The following AP3B2 variants were observed in gnomAD, a reference collection of about 807,000 sequenced individuals.
AP3B2 encodes the protein AP-3 complex subunit beta-2.
In AP3B2, 50 loss-of-function variants were observed where a neutral mutation model predicts 126.9. The ratio of observed to expected loss-of-function variants is 0.39; its 90% CI spans 0.31 to 0.50. AP3B2 has a LOEUF of 0.50. Ranked by LOEUF, AP3B2 falls within the 20% of genes least tolerant of loss-of-function variation. The pLI, the probability that AP3B2 is intolerant of heterozygous loss-of-function variation, is 0.79. For synonymous variants in AP3B2, 541 were observed against 565.0 expected, an observed-to-expected ratio of 0.96 and a Z score of 0.60; for missense variants, 1,177 against 1,426.4, an observed-to-expected ratio of 0.83 and a Z score of 2.82.
rs376059639 is a variant in AP3B2 at position 82,663,776 on chromosome 15, C to A, written c.2436+25G>T. ...GGAGGGCCCTGGCCCATGAGCACACCCTGACTCTGCCCCAAGGCTCTCACT... is the reference window on the plus strand; with the variant it reads ...GGAGGGCCCTGGCCCATGAGCACACACTGACTCTGCCCCAAGGCTCTCACT... On this transcript the variant is annotated intron_variant, in intron 20 of 26. Transcript: ENST00000535359. 2.5e-6 allele frequency: 4 copies of A among 1,606,284 alleles called. No individual in the cohort carries two copies. In the African/African-American group the frequency reaches 5.3e-5, roughly 21 times the overall value.
At chr15:82,669,421 C>T (rs1307046894) in intron 14 of AP3B2, among the ~76,000 whole-genome samples, 3 of 152,162 alleles carry the variant, frequency 2.0e-5, no homozygotes, top group Non-Finnish European at 2.9e-5. Flanking sequence ...TGGCCAGGTG[C>T]GGTGGCTGAT....
In AP3B2 at chr15:82,665,433, A is replaced by ACACACACACACACACT. The variant is rs1555465021; in HGVS notation, c.1971+23_1971+24insAGTGTGTGTGTGTGTG. On this transcript the variant is annotated intron_variant, in intron 16 of 26. Coordinates refer to ENST00000535359, the MANE Select transcript of AP3B2 (RefSeq NM_001278512.2). The surrounding 1 kb of genome is among the most constrained non-coding windows in gnomAD (Gnocchi z 4.4). ...CACACACACACACACACACACACAC[A>ACACACACACACACACT]CTTCAACCCTCCACCCCGCTGACCT... The ACACACACACACACACT allele has an allele frequency of 7.0e-7, 1 of 1,435,442 alleles. No homozygotes were observed. Among genetic ancestry groups the ACACACACACACACACT allele is most frequent in the African/African-American group, 1.6e-5 (1 of 60,890 alleles). 88.9% of individuals were successfully genotyped at this position (1,435,442 alleles called of 1,614,324 possible).
At chr15:82,672,226 T>C (rs987186040) in intron 14 of AP3B2, among the ~76,000 whole-genome samples, 1 of 151,834 alleles carries the variant, frequency 6.6e-6, no homozygotes, top group Non-Finnish European at 1.5e-5. Flanking sequence ...AACAGACAAA[T>C]AGATAAAGAA....
In AP3B2 at chr15:82,680,570, C is replaced by T. The variant is rs773263641; in HGVS notation, c.957G>A (p.Ala319=). 3.0e-5 allele frequency: 47 copies of T among 1,582,816 alleles called. No individual in the cohort carries two copies. In the African/African-American group the frequency reaches 3.6e-4, roughly 12 times the overall value. Residue 319 remains alanine (A), a synonymous_variant, in exon 8 of 27, where the codon GCG becomes GCA. Coordinates refer to ENST00000535359, the MANE Select transcript of AP3B2 (RefSeq NM_001278512.2). This position sits in a 1 kb window ranked among gnomAD's most constrained non-coding sequence, Gnocchi z 6.1. ...TKPLLQSRSA[A]VVMAVAQLYF... ...AGAGCTGCGCCACCGCCATCACCAC[C>T]GCGGCGCTGCGGCTCTGCAGCAGGG...
chr15:82,701,276 C>T (rs1029838249), intron 1 of AP3B2, among the ~76,000 whole-genome samples: 12 of 152,208 alleles, frequency 7.9e-5, no homozygotes, highest in Admixed American at 3.9e-4. Flanking sequence ...CCTCCCATCA[C>T]TCAGTGTTCT....
chr15:82,709,567 C>A, intron 1 of AP3B2, 27 bp downstream of exon 1: 1 of 1,471,894 alleles, frequency 6.8e-7, no homozygotes, highest in Non-Finnish European at 9.0e-7. Context: ...CCAACCCTCC[C>A]GCGAGCTTCC....
Position 82,662,149 on chromosome 15 carries a change from C to A in AP3B2, c.2918+19G>T. ...TTTCCAGCCCATCCTCTCACCCCCA[C>A]CTCGAGTTGGGCACATACCACAGCT... is the stretch of plus-strand genomic sequence containing the variant. On this transcript the variant is annotated intron_variant, in intron 24 of 26. Coordinates refer to ENST00000535359, the MANE Select transcript of AP3B2 (RefSeq NM_001278512.2). 1 of 1,583,024 alleles carries A rather than the reference C, an allele frequency of 6.3e-7. No individual in the cohort carries two copies.
At position 82,680,932 on chromosome 15, in the gene AP3B2, TAC is replaced by T. The variant is rs1481189891; in HGVS notation, c.674_675del (p.Cys225Ter). The T allele has an allele frequency of 6.2e-7, 1 of 1,613,974 alleles. No individual in the cohort carries two copies. Among genetic ancestry groups the T allele is most frequent in the Admixed American group, 1.7e-5 (1 of 60,026 alleles). On this transcript the variant is annotated frameshift_variant, in exon 7 of 27. Transcript: ENST00000535359. LOFTEE classifies it high-confidence loss of function. The surrounding 1 kb of genome is among the most constrained non-coding windows in gnomAD (Gnocchi z 6.1). Reference protein sequence around the residue: ...DLIHKNYRKLCNLLIDVEEWG... With the variant: ...DLIHKNYRKLXNLLIDVEEWG... ...CACTCCTCCACGTCGATCAGCAGGT[TAC>T]AGAGTTTCCGGTAGTTTTTGTGAAT...
chr15:82,668,865 A>C (rs1029345670), intron 14 of AP3B2, among the ~76,000 whole-genome samples: 2 of 152,230 alleles, frequency 1.3e-5, no homozygotes, highest in Non-Finnish European at 2.9e-5. Flanking sequence ...TCAGAGAGGA[A>C]TTTTAAGCAG....
Position 82,681,049 on chromosome 15 carries a change from A to C in AP3B2, c.589-30T>G, listed in dbSNP as rs777382872. 5 of 1,613,486 alleles carry C rather than the reference A, an allele frequency of 3.1e-6. No homozygotes were observed. In the East Asian group the frequency reaches 1.1e-4, roughly 36 times the overall value. Reference sequence around the variant, plus strand: ...GGAAAGAACAAAGACGAGAGGGTGAACGCGAAGGGTGGAAGGCCGGCTGCC... The same window carrying C: ...GGAAAGAACAAAGACGAGAGGGTGACCGCGAAGGGTGGAAGGCCGGCTGCC... On this transcript the variant is annotated intron_variant, in intron 6 of 26. Transcript: ENST00000535359. This position sits in a 1 kb window ranked among gnomAD's most constrained non-coding sequence, Gnocchi z 4.0.
At chr15:82,676,436 T>C (rs746737723) in intron 14 of AP3B2, 25 bp downstream of exon 14, 1 of 1,610,762 alleles carries the variant, frequency 6.2e-7, no homozygotes. Flanking sequence ...CCAGAGTATC[T>C]GGGGGGTCAT....
intron 24 of AP3B2, 105 bp from the exon 25 acceptor site, chr15:82,662,027 C>T (rs1469695109): frequency 4.5e-6 from 6 of 1,332,130 alleles, no homozygotes; most frequent in Non-Finnish European, 6.3e-6. Flanking sequence ...AGAGTGAGGT[C>T]AGGAATGAGG....
At position 82,681,183 on chromosome 15, in the gene AP3B2, G is replaced by C; in HGVS notation, c.522-5C>G. ...TCCTTCTGGTCAGAGTCCAAACTGA[G>C]GGAGAAATCGGTGAGGGGAATTTGC... On this transcript the variant is annotated splice_region_variant and splice_polypyrimidine_tract_variant and intron_variant, in intron 5 of 26. Coordinates refer to ENST00000535359, the MANE Select transcript of AP3B2 (RefSeq NM_001278512.2). The surrounding 1 kb of genome is among the most constrained non-coding windows in gnomAD (Gnocchi z 4.0). The C allele has an allele frequency of 1.2e-6, 2 of 1,609,274 alleles. No individual in the cohort carries two copies. The highest frequency in any genetic ancestry group is 1.7e-6 in the Non-Finnish European group (2 of 1,177,870).
At chr15:82,700,760 T>G (rs557204048) in intron 1 of AP3B2, among the ~76,000 whole-genome samples, 2 of 152,216 alleles carry the variant, frequency 1.3e-5, no homozygotes, top group African/African-American at 4.8e-5. Context: ...TTCCCAGCCT[T>G]GCCCTTATGG....
rs60902120 is a variant in AP3B2 at position 82,690,684 on chromosome 15, C to T, written c.114-1231G>A. Among the ~76,000 whole-genome samples the T allele has an allele frequency of 6.0e-3, 657 of 110,204 alleles. 23 individuals carry two copies. The Admixed American group carries it at 0.074, about 12-fold the overall frequency. 72.3% of individuals were successfully genotyped at this position (110,204 alleles called of 152,430 possible). A position where few individuals can be genotyped will look rare whatever the true frequency, so the allele number is the denominator to read the frequency against. On this transcript the variant is annotated intron_variant, in intron 1 of 26. Coordinates refer to ENST00000535359, the MANE Select transcript of AP3B2 (RefSeq NM_001278512.2). ...TTTTTTTTTTTGTGAGATGGAGTCT[C>T]GCTCTGTCGCCCAGGCTGGAGTGCA... is the stretch of plus-strand genomic sequence containing the variant.
intron 1 of AP3B2, among the ~76,000 whole-genome samples, chr15:82,708,077 G>A (rs2048825176): frequency 1.3e-5 from 2 of 152,188 alleles, no homozygotes; most frequent in South Asian, 4.1e-4. Context: ...TGACCTGCAC[G>A]TATACATCCA....
At chr15:82,679,826 G>C (rs1430948754) in intron 9 of AP3B2, 26 bp from the exon 10 acceptor site, 1 of 1,607,832 alleles carries the variant, frequency 6.2e-7, no homozygotes, top group Admixed American at 1.7e-5. Flanking sequence ...CAGCTAGGGA[G>C]CTCCACCGAA....
intron 25 of AP3B2, among the ~76,000 whole-genome samples, chr15:82,660,861 C>T (rs1283049251): frequency 6.6e-6 from 1 of 152,208 alleles, no homozygotes; most frequent in African/African-American, 2.4e-5. Flanking sequence ...TGTCTCCCTC[C>T]TCATTCATGG....
intron 1 of AP3B2, among the ~76,000 whole-genome samples, chr15:82,698,998 C>T (rs1467576607): frequency 1.3e-5 from 2 of 152,152 alleles, no homozygotes; most frequent in Non-Finnish European, 2.9e-5. Context: ...GCCTCTCGTC[C>T]TCACTCCCAC....
Sources: allele counts gnomAD v4.1 joint callset (sites outside exome capture counted in the v4.1 genomes callset), GRCh38; gene constraint gnomAD v4.1.1; non-coding constraint Gnocchi (gnomAD v3.1); transcripts MANE v1.5; gene names NCBI Gene and HGNC (gene_info 2026-07-23, HGNC 2026-07-21).